LRRC1: variants seen among roughly 807,000 people sequenced by gnomAD.
LRRC1 encodes the protein leucine rich repeat containing 1.
LRRC1 carries 28 observed loss-of-function variants against 69.9 expected under a neutral mutation model. The ratio of observed to expected loss-of-function variants is 0.40; its 90% CI spans 0.30 to 0.55. The LOEUF (loss-of-function observed/expected upper bound fraction) is 0.55. Ranked by LOEUF, LRRC1 falls within the 20% of genes least tolerant of loss-of-function variation. The pLI, the probability that LRRC1 is intolerant of heterozygous loss-of-function variation, is 0.47. For missense variants in LRRC1, 498 were observed against 609.0 expected (o/e 0.82, Z 1.92); for synonymous variants, 236 against 240.2 (o/e 0.98, Z 0.16).
intron 4 of LRRC1, chr6:53,884,248 T>C (rs1767396222): frequency 4.4e-6 from 2 of 456,388 alleles, no homozygotes; most frequent in Non-Finnish European, 7.8e-6. Context: ...CTCACACCTG[T>C]AATGCCAGCC....
At chr6:53,829,479 G>A (rs1195366186) in intron 1 of LRRC1, among the ~76,000 whole-genome samples, 1 of 152,172 alleles carries the variant, frequency 6.6e-6, no homozygotes, top group African/African-American at 2.4e-5. Flanking sequence ...TCACGCATAT[G>A]AGATGTTCTT....
chr6:53,817,928 C>T (rs947874935), intron 1 of LRRC1, among the ~76,000 whole-genome samples: 2 of 152,100 alleles, frequency 1.3e-5, no homozygotes, highest in Non-Finnish European at 1.5e-5. Flanking sequence ...GTGCTATGTG[C>T]GCTGTATGAT....
At chr6:53,894,813 A>G (rs900525306) in intron 4 of LRRC1, among the ~76,000 whole-genome samples, 13 of 152,182 alleles carry the variant, frequency 8.5e-5, no homozygotes, top group African/African-American at 2.9e-4. Flanking sequence ...TGTTTCTTCT[A>G]CGTAAACACT....
At chr6:53,853,798 T>C (rs1423404674) in intron 2 of LRRC1, among the ~76,000 whole-genome samples, 2 of 152,192 alleles carry the variant, frequency 1.3e-5, no homozygotes, top group Non-Finnish European at 2.9e-5. Context: ...TTTGATAACA[T>C]GAGTGTCCCA....
chr6:53,853,658 A>T (rs879023650), intron 2 of LRRC1, among the ~76,000 whole-genome samples: 1 of 152,230 alleles, frequency 6.6e-6, no homozygotes, highest in East Asian at 1.9e-4. Context: ...AAGATCTGAC[A>T]TAACATTTCT....
intron 1 of LRRC1, among the ~76,000 whole-genome samples, chr6:53,797,596 C>A (rs1764339957): frequency 6.6e-6 from 1 of 152,176 alleles, no homozygotes; most frequent in African/African-American, 2.4e-5. Context: ...TGTTCACAAG[C>A]CTCAAAGGTC....
intron 13 of LRRC1, among the ~76,000 whole-genome samples, chr6:53,921,620 G>A (rs1338798664): frequency 6.6e-6 from 1 of 152,146 alleles, no homozygotes; most frequent in Non-Finnish European, 1.5e-5. Context: ...TCTAGGTGTT[G>A]GTGACAAGGC....
At chr6:53,824,114 T>G (rs1263849087) in intron 1 of LRRC1, among the ~76,000 whole-genome samples, 1 of 151,836 alleles carries the variant, frequency 6.6e-6, no homozygotes, top group East Asian at 1.9e-4. Context: ...CCAACAGCGT[T>G]TAAGTGTTCC....
intron 1 of LRRC1, among the ~76,000 whole-genome samples, chr6:53,841,521 T>C (rs927492690): frequency 1.3e-5 from 2 of 152,174 alleles, no homozygotes; most frequent in Non-Finnish European, 2.9e-5. Flanking sequence ...TATAAATTCC[T>C]TTAGTGTCAT....
chr6:53,863,029 A>G (rs1402468397), intron 2 of LRRC1, among the ~76,000 whole-genome samples: 1 of 152,220 alleles, frequency 6.6e-6, no homozygotes, highest in Non-Finnish European at 1.5e-5. Flanking sequence ...CTAGTAGTAA[A>G]TAATTCTAAA....
At chr6:53,887,919 A>G (rs1194313498) in intron 4 of LRRC1, among the ~76,000 whole-genome samples, 2 of 152,322 alleles carry the variant, frequency 1.3e-5, no homozygotes, top group Non-Finnish European at 1.5e-5. Context: ...TCAGAAAACT[A>G]TCTGAATTAA....
At chr6:53,874,763 C>T (rs1767010584) in intron 2 of LRRC1, among the ~76,000 whole-genome samples, 1 of 152,106 alleles carries the variant, frequency 6.6e-6, no homozygotes, top group South Asian at 2.1e-4. Flanking sequence ...TCTATTTTAG[C>T]CATTCTCAAT....
At chr6:53,824,800 G>A (rs12192118) in intron 1 of LRRC1, among the ~76,000 whole-genome samples, 23,929 of 152,104 alleles carry the variant, frequency 0.16, 1,980 homozygotes, top group African/African-American at 0.17. Flanking sequence ...GAATCCTAGG[G>A]TCAAGAAGGT....
intron 3 of LRRC1, among the ~76,000 whole-genome samples, chr6:53,879,745 T>C (rs1767216005): frequency 6.6e-6 from 1 of 152,156 alleles, no homozygotes; most frequent in South Asian, 2.1e-4. Context: ...TCAGTTTTAC[T>C]ACTTATTCCA....
chr6:53,883,765 A>G (rs891369893), intron 4 of LRRC1, among the ~76,000 whole-genome samples: 2 of 152,248 alleles, frequency 1.3e-5, no homozygotes, highest in African/African-American at 2.4e-5. Context: ...CCCTAGCATC[A>G]TAAATGATTT....
intron 3 of LRRC1, 72 bp downstream of exon 3, chr6:53,879,143 G>A: frequency 9.6e-7 from 1 of 1,042,582 alleles, no homozygotes; most frequent in East Asian, 2.5e-5. Context: ...GGAGAACACA[G>A]TCAGGTTAAC....
chr6:53,862,815 T>A (rs994080845), intron 2 of LRRC1, among the ~76,000 whole-genome samples: 1 of 152,246 alleles, frequency 6.6e-6, no homozygotes, highest in Admixed American at 6.5e-5. Context: ...TTGAAAAAAA[T>A]TCTCCATTTA....
intron 2 of LRRC1, among the ~76,000 whole-genome samples, chr6:53,871,690 G>A (rs115880839): frequency 0.19 from 28,974 of 151,906 alleles, 2,997 homozygotes; most frequent in Middle Eastern, 0.33. Flanking sequence ...TTTTTGAGAC[G>A]GACTTTTGCT....
chr6:53,879,248 G>A (rs747518042), intron 3 of LRRC1, among the ~76,000 whole-genome samples, 177 bp downstream of exon 3: 11 of 152,186 alleles, frequency 7.2e-5, no homozygotes, highest in Admixed American at 1.3e-4. Flanking sequence ...AATGAAAGGC[G>A]TACTATTCTA....
Sources: gnomAD v4.1 joint callset for allele counts (sites outside exome capture counted in the v4.1 genomes callset) on GRCh38, gnomAD v4.1.1 for gene constraint, MANE v1.5 for transcripts, NCBI Gene and HGNC (gene_info 2026-07-23, HGNC 2026-07-21) for gene names.